Variants in GREB1 observed in about 807,000 individuals in gnomAD.
GREB1 encodes the protein growth regulating estrogen receptor binding 1.
A neutral mutation model predicts 200.7 loss-of-function variants in GREB1; 106 were observed. The observed-to-expected ratio is 0.53, with a 90% CI of 0.45 to 0.62. The LOEUF is 0.62. GREB1 is among the 20% of genes least tolerant of loss of function. The pLI, the probability that GREB1 is intolerant of heterozygous loss-of-function variation, is 0.00. For missense variants in GREB1, 2,243 were observed against 2,556.8 expected (o/e 0.88, Z 2.65); for synonymous variants, 1,132 against 1,092.4 (o/e 1.04, Z -0.72).
At chr2:11,603,423 A>G (rs919708749) in intron 17 of GREB1, among the ~76,000 whole-genome samples, 2 of 152,252 alleles carry the variant, frequency 1.3e-5, no homozygotes, top group African/African-American at 4.8e-5. Context: ...GCTGGATACT[A>G]ATAGCTATTA....
At chr2:11,484,314 A>C (rs1457793966) in intron 1 of GREB1, among the ~76,000 whole-genome samples, 1 of 152,232 alleles carries the variant, frequency 6.6e-6, no homozygotes, top group Non-Finnish European at 1.5e-5. Context: ...ACAGGTGAGG[A>C]GATCTTTCTA....
In GREB1 at chr2:11,588,903, G is replaced by T; in HGVS notation, c.1317G>T (p.Leu439=). The T allele has an allele frequency of 1.9e-6, 3 of 1,614,088 alleles. No homozygotes were observed. Among genetic ancestry groups the T allele is most frequent in the Non-Finnish European group, 2.5e-6 (3 of 1,179,988 alleles). Residue 439 remains leucine (L), a synonymous_variant, in exon 10 of 33, where the codon CTG becomes CTT. Coordinates refer to ENST00000381486, the MANE Select transcript of GREB1 (RefSeq NM_014668.4). ...IQPISEEMQL[L]LTVYYLVQLA... ...CCATCTCCGAGGAGATGCAGCTCCT[G>T]CTTACCGTCTACTACCTGGTCCAGC... is the stretch of plus-strand genomic sequence containing the variant.
At chr2:11,518,864 C>T (rs924829101) in intron 1 of GREB1, among the ~76,000 whole-genome samples, 7 of 152,040 alleles carry the variant, frequency 4.6e-5, no homozygotes, top group East Asian at 3.9e-4. Context: ...TTTGGGAGGC[C>T]GAGGCGGGTG....
chr2:11,610,585 C>A (rs1682826523), intron 17 of GREB1, 103 bp from the exon 18 acceptor site: 2 of 826,704 alleles, frequency 2.4e-6, no homozygotes, highest in Non-Finnish European at 3.9e-6. Flanking sequence ...GCGTATAATG[C>A]CGGAGTTGCC....
intron 4 of GREB1, among the ~76,000 whole-genome samples, chr2:11,570,772 G>A (rs1173855442): frequency 6.6e-6 from 1 of 152,166 alleles, no homozygotes; most frequent in African/African-American, 2.4e-5. Context: ...GGCAAAGGGA[G>A]AAACTGAGGC....
At position 11,633,436 on chromosome 2, in the gene GREB1, C is replaced by T. The variant is rs1208051097; in HGVS notation, c.4991+373C>T. Reference sequence around the variant, plus strand: ...AAATTTAGCTGGGCGTGGTGGCGGGCGCCTGTAGTCCCAGCTACTTGGGAG... The same window carrying T: ...AAATTTAGCTGGGCGTGGTGGCGGGTGCCTGTAGTCCCAGCTACTTGGGAG... On this transcript the variant is annotated intron_variant, in intron 28 of 32. Coordinates refer to ENST00000381486, the MANE Select transcript of GREB1 (RefSeq NM_014668.4). This position sits in a 1 kb window ranked among gnomAD's most constrained non-coding sequence, Gnocchi z 4.1. Among the ~76,000 whole-genome samples the T allele has an allele frequency of 8.6e-5, 13 of 151,624 alleles. No homozygotes were observed. The highest frequency in any genetic ancestry group is 3.9e-4 in the East Asian group (2 of 5,144).
chr2:11,518,917 A>G (rs1339883563), intron 1 of GREB1, among the ~76,000 whole-genome samples: 4 of 151,126 alleles, frequency 2.6e-5, no homozygotes, highest in Admixed American at 2.0e-4. Flanking sequence ...GCTAACATAC[A>G]GTGAAACTCT....
intron 1 of GREB1, among the ~76,000 whole-genome samples, chr2:11,544,218 T>G (rs1432011127): frequency 6.6e-6 from 1 of 152,046 alleles, no homozygotes; most frequent in East Asian, 1.9e-4. Flanking sequence ...TATTTATTTG[T>G]TTGTTTGTTT....
chr2:11,530,457 T>C (rs997771033), upstream of GREB1, among the ~76,000 whole-genome samples: 3 of 150,502 alleles, frequency 2.0e-5, no homozygotes, highest in Non-Finnish European at 4.4e-5. Context: ...AAAGTTAAGT[T>C]ACCAGGAGGC....
At chr2:11,613,277 G>A (rs867433372) in intron 19 of GREB1, among the ~76,000 whole-genome samples, 1 of 152,188 alleles carries the variant, frequency 6.6e-6, no homozygotes, top group Non-Finnish European at 1.5e-5. Context: ...CAGTTTCTTG[G>A]ATTGGTAGTG....
intron 2 of GREB1, among the ~76,000 whole-genome samples, chr2:11,560,656 G>T (rs867100622): frequency 6.6e-6 from 1 of 151,524 alleles, no homozygotes; most frequent in Admixed American, 6.6e-5. Context: ...AGCTGAGATC[G>T]CACCATTTTA....
At chr2:11,588,370 C>T in intron 9 of GREB1, 1 of 820,292 alleles carries the variant, frequency 1.2e-6, no homozygotes. Flanking sequence ...CAGGCAGCAC[C>T]CAGTGAAGCT....
At chr2:11,635,572 G>A (rs138900089) in intron 30 of GREB1, among the ~76,000 whole-genome samples, 167 bp downstream of exon 30, 157 of 152,308 alleles carry the variant, frequency 1.0e-3, no homozygotes, top group African/African-American at 3.7e-3. Context: ...TTGAGCCCTG[G>A]GAAATGATGG....
chr2:11,556,486 G>A lies in GREB1; in HGVS notation c.-129G>A, dbSNP rs559287452. The A allele has an allele frequency of 2.8e-5, 19 of 677,580 alleles. No individual in the cohort carries two copies. The highest frequency in any genetic ancestry group is 3.8e-4 in the Middle Eastern group (1 of 2,614). The allele number at this position is 677,580 out of a possible 1,614,324, so 42.0% of individuals were successfully genotyped here. ...AGCTGAGGACAGCCACCCTTTCTTC[G>A]TCTCTGCTGAGCGAAGGCTACACGG... On this transcript the variant is annotated 5_prime_UTR_variant, in exon 2 of 33. Transcript: ENST00000381486.
chr2:11,537,710 T>C (rs888010714), intron 1 of GREB1, among the ~76,000 whole-genome samples: 3 of 147,476 alleles, frequency 2.0e-5, no homozygotes, highest in Admixed American at 6.8e-5. Context: ...ATATATTAGA[T>C]AAATATATGA....
intron 26 of GREB1, among the ~76,000 whole-genome samples, chr2:11,631,133 G>A (rs922680885): frequency 5.3e-5 from 8 of 152,196 alleles, no homozygotes; most frequent in South Asian, 2.1e-4. Context: ...CCTTCCTGGC[G>A]GAGCTGGCCA....
At chr2:11,495,429 A>G (rs759418730) in intron 1 of GREB1, among the ~76,000 whole-genome samples, 55 of 152,128 alleles carry the variant, frequency 3.6e-4, no homozygotes, top group Non-Finnish European at 7.2e-4. Flanking sequence ...TTCATACAAC[A>G]TAATTGTTTT....
At chr2:11,613,078 G>A (rs922442141) in intron 19 of GREB1, among the ~76,000 whole-genome samples, 8 of 152,190 alleles carry the variant, frequency 5.3e-5, no homozygotes, top group Admixed American at 6.5e-5. Context: ...GGCAACTGAC[G>A]CTGCTCGGGA....
At chr2:11,518,816 C>T (rs1394829634) in intron 1 of GREB1, among the ~76,000 whole-genome samples, 4 of 150,838 alleles carry the variant, frequency 2.7e-5, no homozygotes, top group Non-Finnish European at 4.4e-5. Flanking sequence ...TGAAAAAATC[C>T]CGCCAGGCGA....
Sources: gnomAD v4.1 joint callset for allele counts (sites outside exome capture counted in the v4.1 genomes callset) on GRCh38, gnomAD v4.1.1 for gene constraint, Gnocchi (gnomAD v3.1) non-coding constraint, MANE v1.5 for transcripts, NCBI Gene and HGNC (gene_info 2026-07-23, HGNC 2026-07-21) for gene names.